The following ELAVL1 variants were observed in gnomAD, a reference collection of about 807,000 sequenced individuals.
ELAVL1 encodes the protein ELAV like RNA binding protein 1, also known as ELAV-like protein 1.
In ELAVL1, 1 loss-of-function variant was observed where a neutral mutation model predicts 28.4. That is an observed-to-expected ratio of 0.04 (90% CI 0.01 to 0.17). ELAVL1 has a LOEUF of 0.17. ELAVL1 is among the 10% of genes least tolerant of loss of function. The probability of loss-of-function intolerance (pLI) is 1.00; values close to 1 mark genes in which losing one functional copy is unlikely to be tolerated. For synonymous variants in ELAVL1, 174 were observed against 183.5 expected, an observed-to-expected ratio of 0.95 and a Z score of 0.42; for missense variants, 157 against 447.2, an observed-to-expected ratio of 0.35 and a Z score of 5.85.
intron 4 of ELAVL1, among the ~76,000 whole-genome samples, chr19:7,971,980 T>C (rs906864785): frequency 6.6e-6 from 1 of 152,228 alleles, no homozygotes; most frequent in Non-Finnish European, 1.5e-5. Flanking sequence ...TCTGGGCTGC[T>C]GGGGGAGTGC....
intron 4 of ELAVL1, among the ~76,000 whole-genome samples, chr19:7,969,465 G>A (rs1344478017): frequency 6.6e-6 from 1 of 152,130 alleles, no homozygotes; most frequent in Non-Finnish European, 1.5e-5. Flanking sequence ...AGAGACAGCA[G>A]CTTTAGTAAG....
chr19:7,991,247 G>A (rs532759776), intron 2 of ELAVL1, among the ~76,000 whole-genome samples: 1 of 152,308 alleles, frequency 6.6e-6, no homozygotes, highest in East Asian at 1.9e-4. Context: ...GACAGGGGCA[G>A]GCCTACCTGC....
chr19:7,975,800 T>C (rs1485046866), intron 3 of ELAVL1, among the ~76,000 whole-genome samples: 1 of 152,194 alleles, frequency 6.6e-6, no homozygotes, highest in Non-Finnish European at 1.5e-5. Context: ...ATGTGACTGA[T>C]GTCCTTATAA....
At chr19:8,002,047 C>T (rs1478741580) in intron 1 of ELAVL1, 1 of 1,289,328 alleles carries the variant, frequency 7.8e-7, no homozygotes, top group African/African-American at 1.5e-5. Flanking sequence ...CCACCCCTGG[C>T]CTACCTGCAG....
intron 1 of ELAVL1, chr19:8,002,213 C>G: frequency 9.8e-7 from 1 of 1,017,218 alleles, no homozygotes; most frequent in Non-Finnish European, 1.3e-6. Context: ...TGGCTGTATC[C>G]TAAAAAGCCC....
At chr19:8,004,309 A>C (rs1211098112) in intron 1 of ELAVL1, among the ~76,000 whole-genome samples, 2 of 152,264 alleles carry the variant, frequency 1.3e-5, no homozygotes, top group Non-Finnish European at 2.9e-5. Flanking sequence ...ACTAAGGCTC[A>C]ACAGAGTCAA....
At chr19:8,004,975 G>GATT (rs1409838735) in intron 1 of ELAVL1, among the ~76,000 whole-genome samples, 2 of 152,198 alleles carry the variant, frequency 1.3e-5, no homozygotes, top group African/African-American at 4.8e-5. Flanking sequence ...ATGCAGTTTA[G>GATT]ATTTTTTTTT....
chr19:7,992,925 G>C (rs1985789508), intron 1 of ELAVL1, among the ~76,000 whole-genome samples: 2 of 152,154 alleles, frequency 1.3e-5, no homozygotes, highest in African/African-American at 4.8e-5. Context: ...GCAGGCATGT[G>C]CCACCACGCC....
In ELAVL1 at chr19:7,979,720, G is replaced by C. The variant is rs1256054059; in HGVS notation, c.276+1363C>G. Among the ~76,000 whole-genome samples the C allele has an allele frequency of 6.6e-6, 1 of 152,210 alleles. No homozygotes were observed. Among genetic ancestry groups the C allele is most frequent in the East Asian group, 1.9e-4 (1 of 5,184 alleles). ...CTGCACTGGACACGAGGAGGCAGGA[G>C]TGGCGCGCCTGCCCTCAGGGAGCCC... On this transcript the variant is annotated intron_variant, in intron 3 of 5. Coordinates refer to ENST00000407627, the MANE Select transcript of ELAVL1 (RefSeq NM_001419.3). The surrounding 1 kb of genome is among the most constrained non-coding windows in gnomAD (Gnocchi z 5.4).
intron 2 of ELAVL1, among the ~76,000 whole-genome samples, chr19:7,984,928 G>C (rs1374962281): frequency 1.3e-5 from 2 of 152,182 alleles, no homozygotes; most frequent in Non-Finnish European, 1.5e-5. Context: ...GGAGGAGGTG[G>C]GGGGGTTGCC....
In ELAVL1 at chr19:7,981,551, G is replaced by A. The variant is rs112004126; in HGVS notation, c.173-365C>T. On this transcript the variant is annotated intron_variant, in intron 2 of 5. Coordinates refer to ENST00000407627, the MANE Select transcript of ELAVL1 (RefSeq NM_001419.3). This position sits in a 1 kb window ranked among gnomAD's most constrained non-coding sequence, Gnocchi z 4.2. ...TTGTTAAAATTATTTTTAGAGATGG[G>A]GTCTCACTATGTCACCCAGGCTGGT... 2.0e-3 allele frequency among the ~76,000 whole-genome samples: 310 copies of A among 151,854 alleles called. 2 individuals are homozygous for A. The highest frequency in any genetic ancestry group is 3.3e-3 in the Non-Finnish European group (222 of 67,956).
At chr19:7,976,241 A>C (rs1453041398) in intron 3 of ELAVL1, among the ~76,000 whole-genome samples, 1 of 150,802 alleles carries the variant, frequency 6.6e-6, no homozygotes, top group Non-Finnish European at 1.5e-5. Flanking sequence ...TCTCTACTAA[A>C]AATACAAAAA....
chr19:7,975,124 T>C (rs1335496133), intron 3 of ELAVL1, among the ~76,000 whole-genome samples: 2 of 152,110 alleles, frequency 1.3e-5, no homozygotes, highest in Non-Finnish European at 2.9e-5. Flanking sequence ...CTGGGGACAC[T>C]TGCTCACCCC....
At chr19:7,968,832 T>C (rs974793031) in intron 4 of ELAVL1, among the ~76,000 whole-genome samples, 15 of 152,134 alleles carry the variant, frequency 9.9e-5, no homozygotes, top group Non-Finnish European at 2.1e-4. Context: ...AGCCCGTCCC[T>C]TGAGGAACCT....
At chr19:7,989,521 G>C (rs939456259) in intron 2 of ELAVL1, among the ~76,000 whole-genome samples, 2 of 152,184 alleles carry the variant, frequency 1.3e-5, no homozygotes, top group African/African-American at 4.8e-5. Context: ...AACCACAAGG[G>C]AACAGACAAA....
chr19:7,975,537 G>A (rs1049678437), intron 3 of ELAVL1, among the ~76,000 whole-genome samples: 3 of 152,210 alleles, frequency 2.0e-5, no homozygotes, highest in Non-Finnish European at 4.4e-5. Flanking sequence ...CCGGCCCCTC[G>A]GCCAGAACCC....
chr19:7,972,946 G>T (rs1278096303), intron 4 of ELAVL1: 1 of 151,508 alleles, frequency 6.6e-6, no homozygotes, highest in African/African-American at 2.4e-5. Context: ...CCGAGTAGCT[G>T]GGATTACAGG....
rs528222671 is a variant in ELAVL1 at position 7,993,091 on chromosome 19, T to G, written c.-16-1260A>C. 4.6e-5 allele frequency among the ~76,000 whole-genome samples: 7 copies of G among 152,354 alleles called. No individual in the cohort carries two copies. In the South Asian group the frequency reaches 1.4e-3, roughly 32 times the overall value. The stretch of plus-strand genomic sequence containing the variant: ...GCTTCTTTCTATTTAAAAAAAATTT[T>G]ATTCAGTCAATACTTCATTGTAATG... On this transcript the variant is annotated intron_variant, in intron 1 of 5. Transcript: ENST00000407627.
rs966230355 is a variant in ELAVL1 at position 7,981,849 on chromosome 19, G to A, written c.173-663C>T. ...GCCACGGCAGTGGACAGGCTGGTGGGACCCCAGTTTGTGTCACTGCTGTTT... is the reference window on the plus strand; with the variant it reads ...GCCACGGCAGTGGACAGGCTGGTGGAACCCCAGTTTGTGTCACTGCTGTTT... On this transcript the variant is annotated intron_variant, in intron 2 of 5. Coordinates refer to ENST00000407627, the MANE Select transcript of ELAVL1 (RefSeq NM_001419.3). The surrounding 1 kb of genome is among the most constrained non-coding windows in gnomAD (Gnocchi z 4.2). Among the ~76,000 whole-genome samples the A allele has an allele frequency of 6.6e-6, 1 of 152,196 alleles. No individual in the cohort carries two copies. The highest frequency in any genetic ancestry group is 1.5e-5 in the Non-Finnish European group (1 of 68,042).
Sources: allele counts gnomAD v4.1 joint callset (sites outside exome capture counted in the v4.1 genomes callset), GRCh38; gene constraint gnomAD v4.1.1; non-coding constraint Gnocchi (gnomAD v3.1); transcripts MANE v1.5; gene names NCBI Gene and HGNC (gene_info 2026-07-23, HGNC 2026-07-21).